BRIP1: variants seen among roughly 807,000 people sequenced by gnomAD.
The protein encoded by BRIP1 is Fanconi anemia group J protein.
BRIP1 carries 88 observed loss-of-function variants against 119.7 expected under a neutral mutation model. That is an observed-to-expected ratio of 0.74 (90% CI 0.62 to 0.88). BRIP1 has a LOEUF of 0.88. Ranked by LOEUF, BRIP1 falls within the 40% of genes least tolerant of loss-of-function variation. BRIP1 has a pLI of 0.00. For synonymous variants in BRIP1, 443 were observed against 496.5 expected (o/e 0.89, Z 1.43); for missense variants, 1,259 against 1,455.4 (o/e 0.87, Z 2.20).
intron 6 of BRIP1, among the ~76,000 whole-genome samples, chr17:61,826,731 T>TAAAAAAAAA (rs58466965): frequency 2.0e-4 from 15 of 75,316 alleles, no homozygotes; most frequent in Non-Finnish European, 2.7e-4. Context: ...TATTAAAAAG[T>TAAAAAAAAA]AAAAAAAAAA....
rs996694917 is a variant in BRIP1 at position 61,705,145 on chromosome 17, T to C, written c.2492+10806A>G. Among the ~76,000 whole-genome samples, 3 of 152,150 alleles carry C rather than the reference T, an allele frequency of 2.0e-5. No individual in the cohort carries two copies. The highest frequency in any genetic ancestry group is 4.8e-5 in the African/African-American group (2 of 41,448). On this transcript the variant is annotated intron_variant, in intron 17 of 19. Coordinates refer to ENST00000259008, the MANE Select transcript of BRIP1 (RefSeq NM_032043.3). This position sits in a 1 kb window ranked among gnomAD's most constrained non-coding sequence, Gnocchi z 5.0. ...GTCTATGTTCCCATCTTTAAGTCCA[T>C]GTGTACCCATTGTTTATCTCCCATT...
At chr17:61,839,664 T>A (rs2078628866) in intron 6 of BRIP1, among the ~76,000 whole-genome samples, 1 of 152,200 alleles carries the variant, frequency 6.6e-6, no homozygotes, top group Non-Finnish European at 1.5e-5. Context: ...TTGAGAGATT[T>A]AACTTGTTCA....
chr17:61,727,585 A>G (rs2144531749), intron 16 of BRIP1, among the ~76,000 whole-genome samples: 1 of 152,044 alleles, frequency 6.6e-6, no homozygotes, highest in South Asian at 2.1e-4. Flanking sequence ...AGGGCAACAT[A>G]GCAAGACCCT....
chr17:61,693,317 A>ATATTGTTAACTATAAGCACAG lies in BRIP1; in HGVS notation c.2575+112_2575+113insCTGTGCTTATAGTTAACAATA. 2.1e-6 allele frequency: 2 copies of ATATTGTTAACTATAAGCACAG among 964,928 alleles called. No homozygotes were observed. Among genetic ancestry groups the ATATTGTTAACTATAAGCACAG allele is most frequent in the Non-Finnish European group, 3.3e-6 (2 of 602,668 alleles). 59.8% of individuals were successfully genotyped at this position (964,928 alleles called of 1,614,324 possible). On this transcript the variant is annotated intron_variant, in intron 18 of 19. Coordinates refer to ENST00000259008, the MANE Select transcript of BRIP1 (RefSeq NM_032043.3). The surrounding 1 kb of genome is among the most constrained non-coding windows in gnomAD (Gnocchi z 4.2). ...TGAAATACTGTGCTTATAGTTAACA[A>ATATTGTTAACTATAAGCACAG]TATTGTACTGTGCACTTAATAAGAT... is the stretch of plus-strand genomic sequence containing the variant.
chr17:61,781,855 A>C (rs1041827961), intron 11 of BRIP1, among the ~76,000 whole-genome samples: 1 of 148,104 alleles, frequency 6.8e-6, no homozygotes, highest in Non-Finnish European at 1.5e-5. Flanking sequence ...CGGGAGGTGG[A>C]GGTTGCAGTG....
rs916698945 is a variant in BRIP1, at chr17:61,686,669, G to A, written c.2576-504C>T. Among the ~76,000 whole-genome samples, 4 of 151,904 alleles carry A rather than the reference G, an allele frequency of 2.6e-5. No homozygotes were observed. Among genetic ancestry groups the A allele is most frequent in the Non-Finnish European group, 5.9e-5 (4 of 67,990 alleles). The stretch of plus-strand genomic sequence containing the variant: ...ATCTTAAATTAAAATTATTCTGGAG[G>A]TGAAATAAATAACACTGTCTTATGG... On this transcript the variant is annotated intron_variant, in intron 18 of 19. Coordinates refer to ENST00000259008, the MANE Select transcript of BRIP1 (RefSeq NM_032043.3). This position sits in a 1 kb window ranked among gnomAD's most constrained non-coding sequence, Gnocchi z 5.4.
Position 61,808,507 on chromosome 17 carries a change from T to C in BRIP1, c.878A>G (p.Asn293Ser), listed in dbSNP as rs746599076. 4.3e-6 allele frequency: 7 copies of C among 1,613,874 alleles called. No homozygotes were observed. The highest frequency in any genetic ancestry group is 2.2e-5 in the South Asian group (2 of 91,084). The change falls in exon 7 of 20, where the codon AAC becomes AGC. Residue 293 changes from asparagine to serine, a missense_variant. By Grantham distance (46) the Asn-to-Ser change is conservative. Transcript: ENST00000259008. The surrounding 1 kb of genome is among the most constrained non-coding windows in gnomAD (Gnocchi z 4.1). Reference protein sequence around the residue: ...CVHPEVVGNFNRNEKCMELLD... With the variant: ...CVHPEVVGNFSRNEKCMELLD... ...CAATTCCATGCACTTCTCATTTCTG[T>C]TGAAGTTACCGACTACCTCAGGATG...
At position 61,825,210 on chromosome 17, in the gene BRIP1, G is replaced by A. The variant is rs576940603; in HGVS notation, c.628-16453C>T. Reference sequence around the variant, plus strand: ...TGAGGCAGGAGAATGGCGTGAACCTGGGAGGCGGAGCTTGCAGTGACCCAA... The same window carrying A: ...TGAGGCAGGAGAATGGCGTGAACCTAGGAGGCGGAGCTTGCAGTGACCCAA... On this transcript the variant is annotated intron_variant, in intron 6 of 19. Coordinates refer to ENST00000259008, the MANE Select transcript of BRIP1 (RefSeq NM_032043.3). The surrounding 1 kb of genome is among the most constrained non-coding windows in gnomAD (Gnocchi z 4.1). 5.3e-5 allele frequency among the ~76,000 whole-genome samples: 8 copies of A among 152,052 alleles called. No homozygotes were observed. Among genetic ancestry groups the A allele is most frequent in the African/African-American group, 1.7e-4 (7 of 41,464 alleles).
intron 10 of BRIP1, among the ~76,000 whole-genome samples, chr17:61,792,894 T>C (rs1856054274): frequency 1.3e-5 from 2 of 152,142 alleles, no homozygotes; most frequent in African/African-American, 2.4e-5. Context: ...AAGAGGTCAA[T>C]AATGGGGAAA....
chr17:61,761,969 G>T lies in BRIP1; in HGVS notation c.2097+14432C>A, dbSNP rs2077283337. On this transcript the variant is annotated intron_variant, in intron 14 of 19. Coordinates refer to ENST00000259008, the MANE Select transcript of BRIP1 (RefSeq NM_032043.3). The surrounding 1 kb of genome is among the most constrained non-coding windows in gnomAD (Gnocchi z 6.4). ...TAGCCATGGCAGTCATGAGTAAAAA[G>T]AACAAAAATGGAGGCATCACACGAC... Among the ~76,000 whole-genome samples, 1 of 151,906 alleles carries T rather than the reference G, an allele frequency of 6.6e-6. No individual in the cohort carries two copies. Among genetic ancestry groups the T allele is most frequent in the African/African-American group, 2.4e-5 (1 of 41,358 alleles).
At position 61,778,811 on chromosome 17, in the gene BRIP1, T is replaced by C. The variant is rs962328582; in HGVS notation, c.1935+1450A>G. ...TTGGAAAGCACAATTCTTAGTTACATAGGAGTAGCATTCTAGGTTCCCAAC... is the reference window on the plus strand; with the variant it reads ...TTGGAAAGCACAATTCTTAGTTACACAGGAGTAGCATTCTAGGTTCCCAAC... On this transcript the variant is annotated intron_variant, in intron 13 of 19. Transcript: ENST00000259008. The surrounding 1 kb of genome is among the most constrained non-coding windows in gnomAD (Gnocchi z 4.4). Among the ~76,000 whole-genome samples, 4 of 152,210 alleles carry C rather than the reference T, an allele frequency of 2.6e-5. No individual in the cohort carries two copies. Among genetic ancestry groups the C allele is most frequent in the African/African-American group, 4.8e-5 (2 of 41,456 alleles).
At chr17:61,771,894 G>A (rs896994711) in intron 14 of BRIP1, among the ~76,000 whole-genome samples, 7 of 151,944 alleles carry the variant, frequency 4.6e-5, no homozygotes, top group South Asian at 4.1e-4. Flanking sequence ...CCTGGAAAGC[G>A]GAGGTTGCAA....
In BRIP1 at chr17:61,861,048, G is replaced by A. The variant is rs114558712; in HGVS notation, c.93+399C>T. Reference sequence around the variant, plus strand: ...AGTAAATAAGATATGAAGTACATATGGCAAAATAGCTGTAACAAAACTGGA... The same window carrying A: ...AGTAAATAAGATATGAAGTACATATAGCAAAATAGCTGTAACAAAACTGGA... On this transcript the variant is annotated intron_variant, in intron 2 of 19. Transcript: ENST00000259008. This position sits in a 1 kb window ranked among gnomAD's most constrained non-coding sequence, Gnocchi z 4.5. 4.9e-4 allele frequency among the ~76,000 whole-genome samples: 75 copies of A among 152,168 alleles called. No homozygotes were observed. Among genetic ancestry groups the A allele is most frequent in the African/African-American group, 1.8e-3 (73 of 41,516 alleles).
intron 14 of BRIP1, among the ~76,000 whole-genome samples, chr17:61,765,379 TTATATATATATATATATATATA>T (rs1287538931): frequency 7.4e-4 from 28 of 37,748 alleles, no homozygotes; most frequent in African/African-American, 2.6e-3. Flanking sequence ...TGTGTATATA[TTATATATATATATATATATATA>T]TATATATATA....
intron 8 of BRIP1, among the ~76,000 whole-genome samples, chr17:61,801,030 T>A (rs1367211381): frequency 6.6e-6 from 1 of 152,200 alleles, no homozygotes; most frequent in Admixed American, 6.5e-5. Flanking sequence ...GTAATCCCAC[T>A]TCAGTCACTA....
rs1411355897 is a variant in BRIP1, at chr17:61,853,498, A to G, written c.379+3560T>C. ...TACAGATTAAAGGATTTACTTACAA[A>G]TATAAAGAGCGTATCAGAATACAAC... is the stretch of plus-strand genomic sequence containing the variant. On this transcript the variant is annotated intron_variant, in intron 4 of 19. Transcript: ENST00000259008. This position sits in a 1 kb window ranked among gnomAD's most constrained non-coding sequence, Gnocchi z 4.3. 2.6e-5 allele frequency among the ~76,000 whole-genome samples: 4 copies of G among 152,206 alleles called. No homozygotes were observed. The highest frequency in any genetic ancestry group is 1.3e-4 in the Admixed American group (2 of 15,278).
Position 61,780,168 on chromosome 17 carries a change from T to G in BRIP1, c.1935+93A>C, listed in dbSNP as rs891967290. Reference sequence around the variant, plus strand: ...TGTTGAATTTCCTACCAAGATTTACTTGCTGGCACTTCAGGTATCTTCTAA... The same window carrying G: ...TGTTGAATTTCCTACCAAGATTTACGTGCTGGCACTTCAGGTATCTTCTAA... On this transcript the variant is annotated intron_variant, in intron 13 of 19. Coordinates refer to ENST00000259008, the MANE Select transcript of BRIP1 (RefSeq NM_032043.3). This position sits in a 1 kb window ranked among gnomAD's most constrained non-coding sequence, Gnocchi z 5.4. 7 of 1,337,940 alleles carry G rather than the reference T, an allele frequency of 5.2e-6. No individual in the cohort carries two copies. The highest frequency in any genetic ancestry group is 5.3e-6 in the Non-Finnish European group (5 of 950,220). The allele number at this position is 1,337,940 out of a possible 1,614,324, so 82.9% of individuals were successfully genotyped here. A position where few individuals can be genotyped will look rare whatever the true frequency, so the allele number is the denominator to read the frequency against.
At chr17:61,747,088 G>A (rs181351063) in intron 14 of BRIP1, among the ~76,000 whole-genome samples, 21 of 151,970 alleles carry the variant, frequency 1.4e-4, no homozygotes, top group African/African-American at 4.6e-4. Flanking sequence ...ACCAATGAAT[G>A]GGTCAAAAAA....
chr17:61,762,786 T>C lies in BRIP1; in HGVS notation c.2097+13615A>G, dbSNP rs796108718. ...GGACACTGTTGGTAAGAATGTAAAT[T>C]AGTACAGCCATTATAAAAAACTGAA... On this transcript the variant is annotated intron_variant, in intron 14 of 19. Coordinates refer to ENST00000259008, the MANE Select transcript of BRIP1 (RefSeq NM_032043.3). The surrounding 1 kb of genome is among the most constrained non-coding windows in gnomAD (Gnocchi z 4.3). 2.6e-5 allele frequency among the ~76,000 whole-genome samples: 4 copies of C among 152,140 alleles called. No homozygotes were observed. In the South Asian group the frequency reaches 8.3e-4, roughly 31 times the overall value.
Sources: gnomAD v4.1 joint callset for allele counts (sites outside exome capture counted in the v4.1 genomes callset) on GRCh38, gnomAD v4.1.1 for gene constraint, Gnocchi (gnomAD v3.1) non-coding constraint, MANE v1.5 for transcripts, NCBI Gene and HGNC (gene_info 2026-07-23, HGNC 2026-07-21) for gene names.